Variants in SWT1 observed in about 807,000 individuals in gnomAD.
The protein encoded by SWT1 is SWT1 RNA endoribonuclease homolog.
A neutral mutation model predicts 107.3 loss-of-function variants in SWT1; 33 were observed. That is an observed-to-expected ratio of 0.31 (90% CI 0.23 to 0.41). The LOEUF (loss-of-function observed/expected upper bound fraction) is 0.41, where lower values mean the gene tolerates loss of function less well. SWT1 is among the 10% of genes least tolerant of loss of function. The pLI, the probability that SWT1 is intolerant of heterozygous loss-of-function variation, is 1.00. For missense variants in SWT1, 898 were observed against 1,028.9 expected (o/e 0.87, Z 1.74); for synonymous variants, 345 against 348.3 (o/e 0.99, Z 0.11).
At chr1:185,171,707 C>G in intron 4 of SWT1, 1 of 479,586 alleles carries the variant, frequency 2.1e-6, no homozygotes. Flanking sequence ...TTCATGGATG[C>G]CATGGTGGCA....
At chr1:185,210,869 G>A (rs1326311028) in intron 13 of SWT1, among the ~76,000 whole-genome samples, 9 of 152,106 alleles carry the variant, frequency 5.9e-5, no homozygotes, top group Non-Finnish European at 8.8e-5. Flanking sequence ...AAATCAATGT[G>A]CAAAAATCAC....
At chr1:185,246,623 C>CTTTT (rs375322237) in intron 16 of SWT1, among the ~76,000 whole-genome samples, 3,904 of 96,354 alleles carry the variant, frequency 0.041, 175 homozygotes, top group East Asian at 0.09. Context: ...TTTTGGAGAG[C>CTTTT]TTTTTTTTTT....
At position 185,222,050 on chromosome 1, in the gene SWT1, G is replaced by A. The variant is rs776193642; in HGVS notation, c.2309+14G>A. On this transcript the variant is annotated intron_variant, in intron 15 of 18. Transcript: ENST00000367500. ...ATATCAGAACAGGTACTAAATTTGG[G>A]GGAATTTTTTTTTAGTTATTTTTTA... The A allele has an allele frequency of 1.4e-6, 2 of 1,462,980 alleles. No homozygotes were observed. The highest frequency in any genetic ancestry group is 2.6e-5 in the Admixed American group (1 of 38,696). 90.6% of individuals were successfully genotyped at this position (1,462,980 alleles called of 1,614,324 possible).
intron 16 of SWT1, among the ~76,000 whole-genome samples, chr1:185,239,130 G>T (rs1661092454): frequency 6.6e-6 from 1 of 151,994 alleles, no homozygotes; most frequent in Non-Finnish European, 1.5e-5. Flanking sequence ...TTAAAGAAGT[G>T]AATGAAAACA....
chr1:185,230,530 A>T (rs183861395), intron 15 of SWT1, among the ~76,000 whole-genome samples: 22 of 152,262 alleles, frequency 1.4e-4, no homozygotes, highest in African/African-American at 5.3e-4. Flanking sequence ...AACTAATTAC[A>T]TCTCAAAGAC....
chr1:185,192,649 CTT>C (rs869246878), intron 10 of SWT1, among the ~76,000 whole-genome samples: 27 of 139,432 alleles, frequency 1.9e-4, no homozygotes, highest in Middle Eastern at 3.4e-3. Flanking sequence ...TAACGCCTCT[CTT>C]TTTTTTTTTT....
chr1:185,274,784 C>T (rs1664131146), intron 17 of SWT1, among the ~76,000 whole-genome samples: 2 of 152,084 alleles, frequency 1.3e-5, no homozygotes, highest in African/African-American at 4.8e-5. Context: ...TAAAATTGTT[C>T]ATTTAAGCAT....
intron 11 of SWT1, among the ~76,000 whole-genome samples, chr1:185,203,450 C>G (rs1030997931): frequency 6.6e-6 from 1 of 152,062 alleles, no homozygotes; most frequent in African/African-American, 2.4e-5. Flanking sequence ...GAACCCCTGT[C>G]TGTACTAAAA....
At chr1:185,162,215 T>C (rs1240687832) in intron 2 of SWT1, among the ~76,000 whole-genome samples, 3 of 152,236 alleles carry the variant, frequency 2.0e-5, no homozygotes, top group Non-Finnish European at 4.4e-5. Flanking sequence ...TTAAAACTAC[T>C]AAACTAAAAA....
At position 185,276,665 on chromosome 1, in the gene SWT1, A is replaced by G; in HGVS notation, c.2570A>G (p.Tyr857Cys). Reference protein sequence around the residue: ...EIYDCVSQTEYREKLTIGCRQ... With the variant: ...EIYDCVSQTECREKLTIGCRQ... Reference sequence around the variant, plus strand: ...TATGATTGTGTTTCTCAGACTGAGTATAGGTAAGTCATATCTATATATAGA... The same window carrying G: ...TATGATTGTGTTTCTCAGACTGAGTGTAGGTAAGTCATATCTATATATAGA... Residue 857 changes from tyrosine to cysteine, a missense_variant, in exon 18 of 19, where the codon TAT becomes TGT. By Grantham distance (194) the Tyr-to-Cys change is radical. This residue lies in a region of SWT1 where 382 missense variants were observed against 460.0 expected (regional missense o/e 0.83). Coordinates refer to ENST00000367500, the MANE Select transcript of SWT1 (RefSeq NM_017673.7). 2 of 1,561,984 alleles carry G rather than the reference A, an allele frequency of 1.3e-6. No individual in the cohort carries two copies. Among genetic ancestry groups the G allele is most frequent in the Non-Finnish European group, 1.8e-6 (2 of 1,138,680 alleles).
chr1:185,211,543 G>A (rs531683668), intron 13 of SWT1, among the ~76,000 whole-genome samples: 5 of 152,100 alleles, frequency 3.3e-5, no homozygotes, highest in South Asian at 2.1e-4. Flanking sequence ...TCTCCAAAGC[G>A]GTTTTATAAA....
At position 185,221,785 on chromosome 1, in the gene SWT1, ACT is replaced by A. The variant is rs552928498; in HGVS notation, c.2122-59_2122-58del. On this transcript the variant is annotated intron_variant, in intron 14 of 18. Coordinates refer to ENST00000367500, the MANE Select transcript of SWT1 (RefSeq NM_017673.7). ...TAGAACATTTGTAAGCACAGTTGCC[ACT>A]CTCTTTTTCTCCTCTGCAAATGAAG... 4.0e-4 allele frequency: 462 copies of A among 1,163,386 alleles called. 3 individuals are homozygous for A. The African/African-American group carries it at 4.6e-3, about 12-fold the overall frequency. 72.1% of individuals were successfully genotyped at this position (1,163,386 alleles called of 1,614,324 possible).
At chr1:185,266,220 C>T (rs902394287) in intron 16 of SWT1, among the ~76,000 whole-genome samples, 5 of 145,458 alleles carry the variant, frequency 3.4e-5, no homozygotes, top group Non-Finnish European at 7.8e-5. Context: ...CCCGCCACCA[C>T]GCCCAGCTAA....
intron 2 of SWT1, among the ~76,000 whole-genome samples, chr1:185,165,749 T>G (rs1183447698): frequency 1.3e-5 from 2 of 152,222 alleles, no homozygotes; most frequent in Non-Finnish European, 2.9e-5. Context: ...CTGACATAAT[T>G]TGCTTTTCTA....
At position 185,207,244 on chromosome 1, in the gene SWT1, A is replaced by G. The variant is rs545117862; in HGVS notation, c.1972+481A>G. Among the ~76,000 whole-genome samples, 3 of 152,322 alleles carry G rather than the reference A, an allele frequency of 2.0e-5. No individual in the cohort carries two copies. In the South Asian group the frequency reaches 6.2e-4, roughly 32 times the overall value. ...AACAGGAAACCTTTGGCTTTGGTGTATAGTGAATTTTAGAACTGGAAGAGA... is the reference window on the plus strand; with the variant it reads ...AACAGGAAACCTTTGGCTTTGGTGTGTAGTGAATTTTAGAACTGGAAGAGA... On this transcript the variant is annotated intron_variant, in intron 13 of 18. Coordinates refer to ENST00000367500, the MANE Select transcript of SWT1 (RefSeq NM_017673.7).
chr1:185,183,362 C>T (rs1392194156), intron 7 of SWT1, among the ~76,000 whole-genome samples: 1 of 152,010 alleles, frequency 6.6e-6, no homozygotes, highest in Non-Finnish European at 1.5e-5. Context: ...GCTATCTCCA[C>T]TCACTGCAAC....
intron 10 of SWT1, among the ~76,000 whole-genome samples, chr1:185,201,948 T>A (rs554650809): frequency 1.1e-4 from 15 of 140,858 alleles, no homozygotes; most frequent in Non-Finnish European, 1.3e-4. Flanking sequence ...GTTAATATAT[T>A]TTTTTTTTGG....
In SWT1 at chr1:185,186,320, G is replaced by T. The variant is rs1437013181; in HGVS notation, c.1429+1389G>T. 5.3e-5 allele frequency among the ~76,000 whole-genome samples: 8 copies of T among 152,242 alleles called. No homozygotes were observed. The East Asian group carries it at 1.5e-3, about 29-fold the overall frequency. Reference sequence around the variant, plus strand: ...ACCCACTAGGAAGATTCACAGCACTGCATGGCTTTAAGACTATGAATTGGT... The same window carrying T: ...ACCCACTAGGAAGATTCACAGCACTTCATGGCTTTAAGACTATGAATTGGT... On this transcript the variant is annotated intron_variant, in intron 9 of 18. Coordinates refer to ENST00000367500, the MANE Select transcript of SWT1 (RefSeq NM_017673.7).
chr1:185,188,834 ATTC>A (rs1656710348), intron 9 of SWT1, among the ~76,000 whole-genome samples: 1 of 152,184 alleles, frequency 6.6e-6, no homozygotes, highest in Admixed American at 6.5e-5. Context: ...GGCTTCAAAG[ATTC>A]TTACCCAGAA....
Sources: allele counts gnomAD v4.1 joint callset (sites outside exome capture counted in the v4.1 genomes callset), GRCh38; gene constraint gnomAD v4.1.1; regional missense constraint gnomAD v4.1.1; transcripts MANE v1.5; gene names NCBI Gene and HGNC (gene_info 2026-07-23, HGNC 2026-07-21).